CHD2: variants seen among roughly 807,000 people sequenced by gnomAD.
The protein encoded by CHD2 is chromodomain helicase DNA binding protein 2.
A neutral mutation model predicts 243.9 loss-of-function variants in CHD2; 28 were observed. The observed-to-expected ratio is 0.11, with a 90% CI of 0.09 to 0.16. The LOEUF (loss-of-function observed/expected upper bound fraction) is 0.16, where lower values mean the gene tolerates loss of function less well. Ranked by LOEUF, CHD2 falls within the 10% of genes least tolerant of loss-of-function variation. CHD2 has a pLI of 1.00. For synonymous variants in CHD2, 775 were observed against 779.0 expected (o/e 0.99, Z 0.09); for missense variants, 1,386 against 2,209.8 (o/e 0.63, Z 7.47).
intron 26 of CHD2, 111 bp from the exon 27 acceptor site, chr15:92,991,363 ACT>A (rs1482893347): frequency 3.1e-6 from 2 of 641,162 alleles, no homozygotes; most frequent in African/African-American, 1.9e-5. Flanking sequence ...GATTGAGTCC[ACT>A]CTATTTTTGA....
In CHD2 at chr15:93,024,635, G is replaced by A; in HGVS notation, c.5417G>A (p.Arg1806Lys). Residue 1806 changes from arginine to lysine, a missense_variant, in exon 39 of 39, where the codon AGG (arginine) becomes AAG (lysine). Physicochemically the swap from Arg to Lys is conservative, Grantham distance 26. Transcript: ENST00000394196. ...PHDSKSPLDH[R>K]SPLERSLEQK... ...GATTCCAAGTCACCCCTGGATCATA[G>A]GTCTCCTTTGGAGAGATCACTAGAA... 6.2e-7 allele frequency: 1 copy of A among 1,614,142 alleles called. No homozygotes were observed.
At chr15:92,930,992 C>T (rs1454743805) in intron 5 of CHD2, among the ~76,000 whole-genome samples, 1 of 152,164 alleles carries the variant, frequency 6.6e-6, no homozygotes, top group African/African-American at 2.4e-5. Flanking sequence ...GAGCTCTTCT[C>T]CTGAGTCACC....
chr15:92,954,919 C>T (rs148620725), intron 14 of CHD2, among the ~76,000 whole-genome samples: 8 of 152,242 alleles, frequency 5.3e-5, no homozygotes, highest in African/African-American at 1.9e-4. Context: ...TTTACATTGA[C>T]GTTATTATAC....
At chr15:92,980,356 C>T (rs547620479) in intron 22 of CHD2, among the ~76,000 whole-genome samples, 10 of 151,836 alleles carry the variant, frequency 6.6e-5, no homozygotes, top group Non-Finnish European at 1.2e-4. Context: ...CCATTGTGCC[C>T]GCTGCAGCTA....
chr15:93,020,246 A>G lies in CHD2; in HGVS notation c.5141A>G (p.Asp1714Gly). 1 of 1,614,132 alleles carries G rather than the reference A, an allele frequency of 6.2e-7. No homozygotes were observed. The highest frequency in any genetic ancestry group is 8.5e-7 in the Non-Finnish European group (1 of 1,180,028). ...GACCGAGACCACCGGGGACACAGAG[A>G]TTATTATGACAGGTATGCAAAAGGC... ...SSDRDHRGHR[D>G]YYDRHHHDSK... is the part of the protein sequence containing the mutation. Residue 1714 changes from aspartate to glycine, a missense_variant, in exon 38 of 39, where the codon GAT becomes GGT. Transcript: ENST00000394196.
At chr15:93,023,185 T>C (rs1479201316) in intron 38 of CHD2, among the ~76,000 whole-genome samples, 1 of 152,212 alleles carries the variant, frequency 6.6e-6, no homozygotes, top group African/African-American at 2.4e-5. Context: ...TTCCCCATTA[T>C]TCCCTCTCCC....
intron 12 of CHD2, among the ~76,000 whole-genome samples, chr15:92,948,180 T>C (rs2053500760): frequency 6.6e-6 from 1 of 152,150 alleles, no homozygotes; most frequent in South Asian, 2.1e-4. Flanking sequence ...AGCTTGTTTC[T>C]GAAGGGAAAA....
At chr15:92,948,271 T>C (rs2053502416) in intron 12 of CHD2, among the ~76,000 whole-genome samples, 1 of 152,180 alleles carries the variant, frequency 6.6e-6, no homozygotes, top group African/African-American at 2.4e-5. Flanking sequence ...GAAGATCAAC[T>C]GTATTTAGCA....
At chr15:92,953,625 G>GA (rs778417146) in intron 14 of CHD2, 52 bp downstream of exon 14, 1 of 1,544,560 alleles carries the variant, frequency 6.5e-7, no homozygotes, top group Non-Finnish European at 8.9e-7. Context: ...ATGTAATTTA[G>GA]AAATTCACTT....
At chr15:93,013,578 G>A (rs1186524603) in intron 36 of CHD2, among the ~76,000 whole-genome samples, 1 of 152,184 alleles carries the variant, frequency 6.6e-6, no homozygotes, top group Non-Finnish European at 1.5e-5. Context: ...TTAGTTTTGA[G>A]AAGGAGATAG....
At chr15:92,930,323 C>T (rs979309468) in intron 5 of CHD2, among the ~76,000 whole-genome samples, 2 of 152,114 alleles carry the variant, frequency 1.3e-5, no homozygotes, top group African/African-American at 4.8e-5. Flanking sequence ...GAATTCTTGA[C>T]TTCCTATTTT....
At chr15:92,935,315 C>T (rs536221096) in intron 5 of CHD2, among the ~76,000 whole-genome samples, 67 of 152,300 alleles carry the variant, frequency 4.4e-4, no homozygotes, top group Non-Finnish European at 8.7e-4. Flanking sequence ...GGATTACAGG[C>T]GTGAGCCACC....
At chr15:92,951,313 C>A (rs748323413) in intron 13 of CHD2, among the ~76,000 whole-genome samples, 1 of 151,892 alleles carries the variant, frequency 6.6e-6, no homozygotes, top group Non-Finnish European at 1.5e-5. Flanking sequence ...TGGGATTACA[C>A]GCACGCACCA....
chr15:93,010,410 A>ATTTTTT (rs34163529), intron 35 of CHD2, among the ~76,000 whole-genome samples: 1 of 143,044 alleles, frequency 7.0e-6, no homozygotes, highest in Non-Finnish European at 1.5e-5. Context: ...ATGACTGGAA[A>ATTTTTT]TTTTTTTTTT....
At chr15:92,975,557 T>C (rs1268175265) in intron 20 of CHD2, among the ~76,000 whole-genome samples, 3 of 152,186 alleles carry the variant, frequency 2.0e-5, no homozygotes, top group African/African-American at 7.2e-5. Context: ...GAGAAAAGTT[T>C]TGGTGTGAAT....
At chr15:93,022,229 G>A (rs761241654) in intron 38 of CHD2, 1 of 152,220 alleles carries the variant, frequency 6.6e-6, no homozygotes, top group African/African-American at 2.4e-5. Context: ...AGGCCTCAGG[G>A]AGCTTTTACT....
intron 2 of CHD2, among the ~76,000 whole-genome samples, chr15:92,910,120 C>T (rs113305327): frequency 7.2e-5 from 11 of 152,180 alleles, no homozygotes; most frequent in African/African-American, 2.4e-4. Context: ...AGTTCTCCTG[C>T]CTTAGCCTCC....
At chr15:92,940,806 AATATAAATAT>A (rs1390377513) in intron 7 of CHD2, among the ~76,000 whole-genome samples, 1 of 143,374 alleles carries the variant, frequency 7.0e-6, no homozygotes, top group South Asian at 2.1e-4. Context: ...TATATAAATA[AATATAAATAT>A]ATATAAATAT....
chr15:93,023,681 G>GTTT (rs1043758356), intron 38 of CHD2, among the ~76,000 whole-genome samples: 20 of 147,752 alleles, frequency 1.4e-4, no homozygotes, highest in African/African-American at 3.7e-4. Flanking sequence ...TTTTTTTTGT[G>GTTT]TTTTTTTTTA....
Sources: allele counts gnomAD v4.1 joint callset (sites outside exome capture counted in the v4.1 genomes callset), GRCh38; gene constraint gnomAD v4.1.1; transcripts MANE v1.5; gene names NCBI Gene and HGNC (gene_info 2026-07-23, HGNC 2026-07-21).